PHLDB1: variants seen among roughly 807,000 people sequenced by gnomAD.
PHLDB1 encodes the protein pleckstrin homology-like domain family B member 1.
A neutral mutation model predicts 139.3 loss-of-function variants in PHLDB1; 65 were observed. The observed-to-expected ratio is 0.47, with a 90% CI of 0.38 to 0.57. The LOEUF is 0.57. PHLDB1 is among the 20% of genes least tolerant of loss of function. The pLI, the probability that PHLDB1 is intolerant of heterozygous loss-of-function variation, is 0.00. For synonymous variants in PHLDB1, 679 were observed against 734.5 expected, an observed-to-expected ratio of 0.92 and a Z score of 1.22; for missense variants, 1,624 against 1,839.7, an observed-to-expected ratio of 0.88 and a Z score of 2.14.
In PHLDB1 at chr11:118,639,200, C is replaced by A. The variant is rs181805735; in HGVS notation, c.2685C>A (p.His895Gln). Residue 895 changes from histidine to glutamine, a missense_variant, in exon 12 of 23, where the codon CAC becomes CAA. Coordinates refer to ENST00000600882, the MANE Select transcript of PHLDB1 (RefSeq NM_001144758.3). ...TGACTGTGCTGGAAAGGAGATACCA[C>A]TCACTCACAGGGGGCAGGCCTTTCC... Reference protein sequence around the residue: ...EKLTVLERRYHSLTGGRPFPK... With the variant: ...EKLTVLERRYQSLTGGRPFPK... The A allele has an allele frequency of 1.9e-4, 312 of 1,614,100 alleles. No individual in the cohort carries two copies. Among genetic ancestry groups the A allele is most frequent in the Non-Finnish European group, 2.5e-4 (292 of 1,179,934 alleles).
In PHLDB1 at chr11:118,632,146, T is replaced by C; in HGVS notation, c.2242-13T>C. On this transcript the variant is annotated splice_polypyrimidine_tract_variant and intron_variant, in intron 8 of 22. Coordinates refer to ENST00000600882, the MANE Select transcript of PHLDB1 (RefSeq NM_001144758.3). This position sits in a 1 kb window ranked among gnomAD's most constrained non-coding sequence, Gnocchi z 5.9. ...TCAGCTGCTTTGATGGGGACCCTGG[T>C]GTCTGCCCCCAGGCCGAAATGGAGC... The C allele has an allele frequency of 6.2e-7, 1 of 1,613,958 alleles. No individual in the cohort carries two copies. The highest frequency in any genetic ancestry group is 8.5e-7 in the Non-Finnish European group (1 of 1,179,888).
intron 6 of PHLDB1, among the ~76,000 whole-genome samples, chr11:118,630,624 G>A (rs1254924480): frequency 6.6e-6 from 1 of 152,148 alleles, no homozygotes; most frequent in Non-Finnish European, 1.5e-5. Flanking sequence ...ATCTGTGAGT[G>A]TGCATCAGTG....
At chr11:118,635,285 A>G (rs535400851) in intron 9 of PHLDB1, 108 bp from the exon 10 acceptor site, 15 of 1,333,372 alleles carry the variant, frequency 1.1e-5, no homozygotes, top group South Asian at 7.3e-5. Context: ...TTCTTACCCA[A>G]TTTCCCCGGG....
At chr11:118,618,317 C>T (rs943935659) in intron 4 of PHLDB1, among the ~76,000 whole-genome samples, 1 of 152,116 alleles carries the variant, frequency 6.6e-6, no homozygotes, top group Non-Finnish European at 1.5e-5. Flanking sequence ...CCCCAGTCCT[C>T]CCCCTCCCCT....
chr11:118,646,228 C>A (rs1947498536), intron 17 of PHLDB1: 1 of 142,322 alleles, frequency 7.0e-6, no homozygotes, highest in African/African-American at 2.7e-5. Context: ...CCACTGCACT[C>A]CAGCCTGGGA....
Position 118,650,009 on chromosome 11 carries a change from A to G in PHLDB1, c.3655-68A>G. The G allele has an allele frequency of 1.7e-6, 2 of 1,179,878 alleles. No homozygotes were observed. Among genetic ancestry groups the G allele is most frequent in the East Asian group, 2.3e-5 (1 of 42,746 alleles). 73.1% of individuals were successfully genotyped at this position (1,179,878 alleles called of 1,614,324 possible). A position where few individuals can be genotyped will look rare whatever the true frequency, so the allele number is the denominator to read the frequency against. On this transcript the variant is annotated intron_variant, in intron 18 of 22. Transcript: ENST00000600882. This position sits in a 1 kb window ranked among gnomAD's most constrained non-coding sequence, Gnocchi z 4.7. ...GCTGTTGGGGTTTAGAAGTGAAGCCAAGGGGCCTGGACAGGGGAATAATGA... is the reference window on the plus strand; with the variant it reads ...GCTGTTGGGGTTTAGAAGTGAAGCCGAGGGGCCTGGACAGGGGAATAATGA...
rs782203407 is a variant in PHLDB1, at chr11:118,645,658, C to T, written c.3416+8C>T. The T allele has an allele frequency of 2.5e-5, 40 of 1,613,274 alleles. No homozygotes were observed. Among genetic ancestry groups the T allele is most frequent in the Middle Eastern group, 1.6e-4 (1 of 6,082 alleles). On this transcript the variant is annotated splice_region_variant and intron_variant, in intron 16 of 22. Transcript: ENST00000600882. This position sits in a 1 kb window ranked among gnomAD's most constrained non-coding sequence, Gnocchi z 5.1. ...CCCTGACAACATGTCCAGGTACACCCGACGCCTGGGCCCGCAGCCTCCCTC... is the reference window on the plus strand; with the variant it reads ...CCCTGACAACATGTCCAGGTACACCTGACGCCTGGGCCCGCAGCCTCCCTC...
chr11:118,631,775 C>CG (rs1443917551), intron 7 of PHLDB1, 138 bp from the exon 8 acceptor site: 46 of 751,980 alleles, frequency 6.1e-5, no homozygotes, highest in East Asian at 3.5e-4. Context: ...GTGGGGGTTG[C>CG]GGGGGGGCAG....
chr11:118,656,431 C>T (rs782234982), intron 22 of PHLDB1, among the ~76,000 whole-genome samples: 1 of 152,182 alleles, frequency 6.6e-6, no homozygotes, highest in African/African-American at 2.4e-5. Flanking sequence ...AGGACCAGTG[C>T]CCCCCTTGTC....
intron 4 of PHLDB1, 65 bp from the exon 5 acceptor site, chr11:118,624,868 CA>C: frequency 6.4e-7 from 1 of 1,572,414 alleles, no homozygotes; most frequent in African/African-American, 1.3e-5. Flanking sequence ...CCTCCGCCTC[CA>C]AAAGTGTTGG....
At chr11:118,642,649 G>A (rs371941170) in intron 13 of PHLDB1, among the ~76,000 whole-genome samples, 2 of 152,216 alleles carry the variant, frequency 1.3e-5, no homozygotes, top group Non-Finnish European at 2.9e-5. Flanking sequence ...TGGAGCTGTG[G>A]TCAGTTTGGG....
chr11:118,656,445 G>A (rs506839), intron 22 of PHLDB1, among the ~76,000 whole-genome samples: 2 of 152,180 alleles, frequency 1.3e-5, no homozygotes, highest in Non-Finnish European at 2.9e-5. Context: ...CCTTGTCAGG[G>A]TATAGCTCTG....
chr11:118,648,312 TG>T (rs1947867082), intron 18 of PHLDB1, among the ~76,000 whole-genome samples: 1 of 147,436 alleles, frequency 6.8e-6, no homozygotes, highest in South Asian at 2.3e-4. Context: ...TGTGTGTGTG[TG>T]TGTGTGTGTG....
intron 12 of PHLDB1, chr11:118,640,492 T>G (rs1188512759): frequency 1.3e-5 from 2 of 152,250 alleles, no homozygotes; most frequent in Non-Finnish European, 2.9e-5. Flanking sequence ...TGTGTTGGCA[T>G]CTTTCCAAGG....
rs1944794461 is a variant in PHLDB1 at position 118,631,470 on chromosome 11, C to A, written c.2091C>A (p.Thr697=). ...AGGAGTGCAGCAGCACTGAGAGCAC[C>A]CAGCAGGAGGTGAGATGGAGGGGTA... The part of the protein sequence containing the change: ...LKEECSSTES[T]QQEHEDAPST... Residue 697 remains threonine, a synonymous_variant, in exon 7 of 23, where the codon ACC becomes ACA. Transcript: ENST00000600882. The A allele has an allele frequency of 7.0e-7, 1 of 1,422,370 alleles. No homozygotes were observed. The highest frequency in any genetic ancestry group is 2.6e-5 in the East Asian group (1 of 38,584). 88.1% of individuals were successfully genotyped at this position (1,422,370 alleles called of 1,614,324 possible).
At chr11:118,633,444 C>T (rs1473594681) in intron 9 of PHLDB1, 1 of 152,184 alleles carries the variant, frequency 6.6e-6, no homozygotes, top group East Asian at 1.9e-4. Flanking sequence ...CATGAGATAA[C>T]CCAAGGAAGC....
chr11:118,642,415 C>A, intron 13 of PHLDB1, 21 bp downstream of exon 13: 1 of 1,602,208 alleles, frequency 6.2e-7, no homozygotes, highest in Non-Finnish European at 8.5e-7. Context: ...CTTCACTGCC[C>A]GTCCTCCCCA....
rs782053854 is a variant in PHLDB1 at position 118,655,618 on chromosome 11, G to C, written c.3888G>C (p.Thr1296=). 1 of 1,612,184 alleles carries C rather than the reference G, an allele frequency of 6.2e-7. No homozygotes were observed. The highest frequency in any genetic ancestry group is 1.1e-5 in the South Asian group (1 of 91,018). ...CTTGCTTTGCAGACAAGCATGAGAC[G>C]AAGCTGAAGGGAGTCATCTATTTCC... is the stretch of plus-strand genomic sequence containing the variant. ...TLSYYVDKHE[T]KLKGVIYFQA... is the part of the protein sequence containing the mutation. The change falls in exon 21 of 23, where the codon ACG becomes ACC. Residue 1296 remains threonine, a synonymous_variant. Transcript: ENST00000600882.
intron 20 of PHLDB1, chr11:118,655,157 G>A (rs1555140762): frequency 6.0e-6 from 1 of 165,862 alleles, no homozygotes. Flanking sequence ...TAATAATCTT[G>A]TGTGTGTTAC....
Sources: allele counts gnomAD v4.1 joint callset (sites outside exome capture counted in the v4.1 genomes callset), GRCh38; gene constraint gnomAD v4.1.1; non-coding constraint Gnocchi (gnomAD v3.1); transcripts MANE v1.5; gene names NCBI Gene and HGNC (gene_info 2026-07-23, HGNC 2026-07-21).